Variants in ERC1 observed in about 807,000 individuals in gnomAD.
The protein encoded by ERC1 is RAB6 interacting protein 2.
Under a neutral mutation model 132.0 loss-of-function variants are expected in ERC1, and 56 were observed. The observed-to-expected ratio is 0.42, with a 90% CI of 0.34 to 0.53. ERC1 has a LOEUF of 0.53. ERC1 is among the 20% of genes least tolerant of loss of function. ERC1 has a pLI of 0.03. For synonymous variants in ERC1, 478 were observed against 476.1 expected (o/e 1.00, Z -0.05); for missense variants, 1,202 against 1,349.9 (o/e 0.89, Z 1.72).
intron 3 of ERC1, among the ~76,000 whole-genome samples, chr12:1,104,474 A>G (rs1442789946): frequency 6.6e-6 from 1 of 152,170 alleles, no homozygotes; most frequent in East Asian, 1.9e-4. Context: ...AGGATGTGAA[A>G]TCGTAGTTTC....
chr12:1,021,483 C>T (rs1315754840), intron 1 of ERC1, among the ~76,000 whole-genome samples: 5 of 151,082 alleles, frequency 3.3e-5, no homozygotes, highest in Middle Eastern at 3.4e-3. Flanking sequence ...CCGAGGTGGG[C>T]GGTCAGGAGA....
chr12:1,354,808 A>G (rs973533689), intron 15 of ERC1, among the ~76,000 whole-genome samples: 4 of 152,018 alleles, frequency 2.6e-5, no homozygotes, highest in African/African-American at 9.7e-5. Context: ...GCGCCCGGCT[A>G]GTTTTTGTGT....
intron 2 of ERC1, among the ~76,000 whole-genome samples, chr12:1,033,716 G>A (rs1968524209): frequency 6.6e-6 from 1 of 151,252 alleles, no homozygotes; most frequent in African/African-American, 2.4e-5. Context: ...TGCAACCTCC[G>A]CCTCCTGAGT....
intron 17 of ERC1, among the ~76,000 whole-genome samples, chr12:1,423,182 A>G (rs762731017): frequency 6.6e-6 from 1 of 152,172 alleles, no homozygotes; most frequent in Non-Finnish European, 1.5e-5. Flanking sequence ...GCCAACCTCT[A>G]ACCAGGGACT....
At chr12:1,250,408 G>A (rs568853993) in intron 13 of ERC1, among the ~76,000 whole-genome samples, 1 of 152,194 alleles carries the variant, frequency 6.6e-6, no homozygotes, top group Admixed American at 6.5e-5. Context: ...GCCCCTGTGT[G>A]ATTTAACCCA....
intron 16 of ERC1, among the ~76,000 whole-genome samples, chr12:1,393,154 C>T (rs2090121675): frequency 6.6e-6 from 1 of 152,152 alleles, no homozygotes; most frequent in Non-Finnish European, 1.5e-5. Flanking sequence ...TATGTTTTGA[C>T]TCAGTTATAT....
chr12:1,186,626 G>A (rs993359376), intron 11 of ERC1, among the ~76,000 whole-genome samples: 2 of 152,266 alleles, frequency 1.3e-5, no homozygotes, highest in African/African-American at 4.8e-5. Context: ...CAAGGTGTAT[G>A]GAGTATCTGC....
chr12:1,080,911 T>C (rs146743345), intron 2 of ERC1, among the ~76,000 whole-genome samples: 22 of 151,318 alleles, frequency 1.5e-4, no homozygotes, highest in African/African-American at 5.1e-4. Context: ...AACGAACTAA[T>C]AGAGCAGCCA....
At chr12:1,436,429 T>A (rs1592046459) in intron 17 of ERC1, among the ~76,000 whole-genome samples, 1 of 152,208 alleles carries the variant, frequency 6.6e-6, no homozygotes, top group South Asian at 2.1e-4. Context: ...TCCTTGTTTG[T>A]TGAGATGCTA....
chr12:1,132,354 T>G (rs1948846441), intron 7 of ERC1, among the ~76,000 whole-genome samples: 2 of 152,238 alleles, frequency 1.3e-5, no homozygotes, highest in Non-Finnish European at 2.9e-5. Flanking sequence ...AAATATTTTT[T>G]GTATCAAAGC....
intron 17 of ERC1, among the ~76,000 whole-genome samples, chr12:1,420,306 G>A (rs971918096): frequency 3.3e-5 from 5 of 151,870 alleles, no homozygotes; most frequent in Admixed American, 3.3e-4. Context: ...TACAAATTTG[G>A]AGACCATCTT....
chr12:1,171,265 C>G (rs11611497), intron 8 of ERC1, among the ~76,000 whole-genome samples: 1 of 150,072 alleles, frequency 6.7e-6, no homozygotes, highest in Non-Finnish European at 1.5e-5. Flanking sequence ...CTTAGAGTTT[C>G]TTATGGTTTT....
At chr12:1,262,852 T>C (rs1307109323) in intron 13 of ERC1, among the ~76,000 whole-genome samples, 182 bp from the exon 14 acceptor site, 2 of 149,220 alleles carry the variant, frequency 1.3e-5, no homozygotes, top group Non-Finnish European at 2.9e-5. Flanking sequence ...GATATACTTC[T>C]TCAGCCTCCT....
intron 15 of ERC1, among the ~76,000 whole-genome samples, chr12:1,328,259 G>C (rs2154356691): frequency 6.6e-6 from 1 of 152,142 alleles, no homozygotes; most frequent in Non-Finnish European, 1.5e-5. Context: ...GAATCCTCCT[G>C]CCTCAGCCTC....
upstream of ERC1, chr12:990,149 G>A (rs1046876823): frequency 6.6e-6 from 1 of 152,168 alleles, no homozygotes; most frequent in South Asian, 2.1e-4. Context: ...GGATTATGAG[G>A]CAGTATAAAG....
chr12:1,028,397 A>G lies in ERC1; in HGVS notation c.494A>G (p.Asn165Ser), dbSNP rs1371637738. 2 of 1,614,210 alleles carry G rather than the reference A, an allele frequency of 1.2e-6. No homozygotes were observed. Among genetic ancestry groups the G allele is most frequent in the Non-Finnish European group, 1.7e-6 (2 of 1,180,024 alleles). Residue 165 changes from asparagine (N) to serine (S), a missense_variant, in exon 2 of 19, where the codon AAT becomes AGT. By Grantham distance (46) the Asn-to-Ser change is conservative (BLOSUM62 1). Coordinates refer to ENST00000360905, the MANE Select transcript of ERC1 (RefSeq NM_178040.4). ...CAGCTGAAGGAAGTATTAAGAGAAAATGATCTCTTGCGGAAGGATGTGGAA... is the reference window on the plus strand; with the variant it reads ...CAGCTGAAGGAAGTATTAAGAGAAAGTGATCTCTTGCGGAAGGATGTGGAA... ...QTQLKEVLRE[N>S]DLLRKDVEVK... is the part of the protein sequence containing the mutation.
chr12:1,310,544 T>G (rs7979057), intron 15 of ERC1, among the ~76,000 whole-genome samples: 2,764 of 152,308 alleles, frequency 0.018, 88 homozygotes, highest in African/African-American at 0.064. Flanking sequence ...ATTACTGCTT[T>G]ATTACTAGAA....
chr12:1,139,230 A>G (rs1949641777), intron 7 of ERC1, among the ~76,000 whole-genome samples: 1 of 152,168 alleles, frequency 6.6e-6, no homozygotes, highest in African/African-American at 2.4e-5. Context: ...ATTCTGCTGT[A>G]TTCCACCCTG....
Position 1,104,879 on chromosome 12 carries a change from C to G in ERC1, c.1161+55C>G, listed in dbSNP as rs1229144166. On this transcript the variant is annotated intron_variant, in intron 4 of 18. Transcript: ENST00000360905. ...GAATTACCTTATACTTTTAAGTGATCAAAAACTTCCATGTGTGAGTGTTAG... is the reference window on the plus strand; with the variant it reads ...GAATTACCTTATACTTTTAAGTGATGAAAAACTTCCATGTGTGAGTGTTAG... 3 of 1,165,044 alleles carry G rather than the reference C, an allele frequency of 2.6e-6. No homozygotes were observed. The Admixed American group carries it at 5.1e-5, about 20-fold the overall frequency. The allele number at this position is 1,165,044 out of a possible 1,614,324, so 72.2% of individuals were successfully genotyped here. A position where few individuals can be genotyped will look rare whatever the true frequency, so the allele number is the denominator to read the frequency against.
Sources: gnomAD v4.1 joint callset for allele counts (sites outside exome capture counted in the v4.1 genomes callset) on GRCh38, gnomAD v4.1.1 for gene constraint, MANE v1.5 for transcripts, NCBI Gene and HGNC (gene_info 2026-07-23, HGNC 2026-07-21) for gene names.